Variants in SCHIP1 observed in about 807,000 individuals in gnomAD.
SCHIP1 encodes schwannomin interacting protein 1.
Under a neutral mutation model 29.7 loss-of-function variants are expected in SCHIP1, and 8 were observed. The ratio of observed to expected loss-of-function variants is 0.27; its 90% confidence interval spans 0.16 to 0.49. The LOEUF (loss-of-function observed/expected upper bound fraction) is 0.49, where lower values mean the gene tolerates loss of function less well. SCHIP1 is among the 20% of genes least tolerant of loss of function. The pLI is 0.99. For synonymous variants in SCHIP1, 76 were observed against 94.9 expected, an observed-to-expected ratio of 0.80 and a Z score of 1.16; for missense variants, 193 against 294.6, an observed-to-expected ratio of 0.66 and a Z score of 2.52.
chr3:159,552,749 G>A, the SCHIP1 span, among the ~76,000 whole-genome samples: 1 of 152,112 alleles, frequency 6.6e-6, no homozygotes, highest in Non-Finnish European at 1.5e-5. Flanking sequence ...AGAAATATTT[G>A]ACATGAAATT....
the SCHIP1 span, among the ~76,000 whole-genome samples, chr3:159,723,328 G>A: frequency 6.6e-6 from 1 of 151,974 alleles, no homozygotes; most frequent in Non-Finnish European, 1.5e-5. Context: ...GCTACATATT[G>A]TTTCTTTACA....
the SCHIP1 span, among the ~76,000 whole-genome samples, chr3:159,810,504 C>T: frequency 5.6e-3 from 858 of 152,302 alleles, 3 homozygotes; most frequent in African/African-American, 0.014. Context: ...AGGCAACCAC[C>T]GATCCACTGT....
the SCHIP1 span, among the ~76,000 whole-genome samples, chr3:159,321,698 A>G: frequency 1.3e-5 from 2 of 152,268 alleles, no homozygotes; most frequent in East Asian, 3.9e-4. Context: ...ATTTTTTAAA[A>G]TGATTATTTG....
the SCHIP1 span, among the ~76,000 whole-genome samples, chr3:159,347,122 T>TATGAAGTG: frequency 3.9e-5 from 6 of 152,278 alleles, no homozygotes; most frequent in East Asian, 1.2e-3. Context: ...ATGTTCCACA[T>TATGAAGTG]CTATAGACGA....
chr3:159,656,225 A>G, the SCHIP1 span, among the ~76,000 whole-genome samples: 1 of 152,238 alleles, frequency 6.6e-6, no homozygotes, highest in Admixed American at 6.5e-5. Flanking sequence ...CTTCATATAC[A>G]TGAACTCAGT....
the SCHIP1 span, among the ~76,000 whole-genome samples, chr3:159,560,169 G>A: frequency 1.1e-4 from 17 of 152,158 alleles, no homozygotes; most frequent in Non-Finnish European, 1.9e-4. Context: ...AGCTCTTTTC[G>A]GCCAATTATT....
At chr3:159,343,277 C>A in the SCHIP1 span, among the ~76,000 whole-genome samples, 2 of 152,286 alleles carry the variant, frequency 1.3e-5, no homozygotes, top group South Asian at 4.1e-4. Flanking sequence ...ATTGAGTAGT[C>A]ACATTCTAAG....
the SCHIP1 span, among the ~76,000 whole-genome samples, chr3:159,778,287 C>T: frequency 6.6e-6 from 1 of 152,142 alleles, no homozygotes; most frequent in Non-Finnish European, 1.5e-5. Flanking sequence ...GCCACCGCGC[C>T]CGGCTAGGAA....
the SCHIP1 span, among the ~76,000 whole-genome samples, chr3:159,513,307 G>A: frequency 2.2e-4 from 33 of 152,128 alleles, no homozygotes; most frequent in African/African-American, 8.0e-4. Flanking sequence ...ACAGATGTTT[G>A]TTATATTATT....
At chr3:159,713,778 G>C in the SCHIP1 span, among the ~76,000 whole-genome samples, 1 of 152,206 alleles carries the variant, frequency 6.6e-6, no homozygotes, top group Non-Finnish European at 1.5e-5. Context: ...TGAGGAATAG[G>C]TGGCCTCTCC....
chr3:159,388,105 G>T, the SCHIP1 span, among the ~76,000 whole-genome samples: 1 of 152,208 alleles, frequency 6.6e-6, no homozygotes, highest in East Asian at 1.9e-4. Context: ...TGATTAGGCA[G>T]TGGAATAAAA....
At chr3:159,285,872 T>C in the SCHIP1 span, among the ~76,000 whole-genome samples, 1 of 152,112 alleles carries the variant, frequency 6.6e-6, no homozygotes. Flanking sequence ...TAGAGGCATT[T>C]CCTATTCTCT....
At chr3:159,406,013 TACA>T in the SCHIP1 span, among the ~76,000 whole-genome samples, 1 of 151,846 alleles carries the variant, frequency 6.6e-6, no homozygotes, top group South Asian at 2.1e-4. Flanking sequence ...TAGATTTAAA[TACA>T]CTTAAAGAGG....
the SCHIP1 span, among the ~76,000 whole-genome samples, chr3:159,672,436 C>T: frequency 6.6e-6 from 1 of 152,218 alleles, no homozygotes; most frequent in African/African-American, 2.4e-5. Context: ...CCACATGTTA[C>T]TTTAGTTTCT....
At chr3:159,361,610 C>T in the SCHIP1 span, among the ~76,000 whole-genome samples, 1 of 152,116 alleles carries the variant, frequency 6.6e-6, no homozygotes, top group Non-Finnish European at 1.5e-5. Context: ...AAGGACCTTT[C>T]TGGCAAGTGT....
the SCHIP1 span, among the ~76,000 whole-genome samples, chr3:159,704,798 A>G: frequency 2.0e-5 from 3 of 152,116 alleles, no homozygotes; most frequent in African/African-American, 7.2e-5. Flanking sequence ...CACAATTGTA[A>G]TAATACAATA....
the SCHIP1 span, among the ~76,000 whole-genome samples, chr3:159,807,963 C>A: frequency 1.1e-4 from 16 of 152,112 alleles, no homozygotes; most frequent in Non-Finnish European, 2.9e-5. Context: ...ATTTTTAAAT[C>A]CAGATGTTTC....
At chr3:159,670,848 T>G in the SCHIP1 span, among the ~76,000 whole-genome samples, 1 of 152,214 alleles carries the variant, frequency 6.6e-6, no homozygotes, top group East Asian at 1.9e-4. Flanking sequence ...GTTCTCCCTC[T>G]CTTGCTTTCT....
At chr3:159,804,868 T>A in the SCHIP1 span, among the ~76,000 whole-genome samples, 10 of 152,230 alleles carry the variant, frequency 6.6e-5, no homozygotes, top group Admixed American at 2.0e-4. Context: ...TTTACAGCTA[T>A]CCTCCCACAC....
Sources: allele counts gnomAD v4.1 joint callset (sites outside exome capture counted in the v4.1 genomes callset), GRCh38; gene constraint gnomAD v4.1.1; transcripts MANE v1.5; gene names NCBI Gene and HGNC (gene_info 2026-07-23, HGNC 2026-07-21).